Variants in ADAM28 observed in about 807,000 individuals in gnomAD.
The protein encoded by ADAM28 is disintegrin and metalloproteinase domain-containing protein 28.
A neutral mutation model predicts 101.2 loss-of-function variants in ADAM28; 105 were observed. The observed-to-expected ratio is 1.04, with a 90% CI of 0.89 to 1.22. The LOEUF (loss-of-function observed/expected upper bound fraction) is 1.22, where lower values mean the gene tolerates loss of function less well. Ranked by LOEUF, ADAM28 falls within the 50% of genes most tolerant of loss-of-function variation. The pLI, the probability that ADAM28 is intolerant of heterozygous loss-of-function variation, is 0.00. For synonymous variants in ADAM28, 322 were observed against 310.6 expected, an observed-to-expected ratio of 1.04 and a Z score of -0.39; for missense variants, 1,028 against 945.4, an observed-to-expected ratio of 1.09 and a Z score of -1.15.
At chr8:24,320,893 G>C (rs1371740457) in intron 7 of ADAM28, among the ~76,000 whole-genome samples, 5 of 151,882 alleles carry the variant, frequency 3.3e-5, no homozygotes, top group African/African-American at 1.2e-4. Context: ...TCATGTATGT[G>C]TCTCTTAAAT....
At chr8:24,352,335 G>C (rs1276185533) in intron 21 of ADAM28, among the ~76,000 whole-genome samples, 1 of 152,174 alleles carries the variant, frequency 6.6e-6, no homozygotes, top group African/African-American at 2.4e-5. Context: ...AACATAGATT[G>C]AGTGGCTTAA....
chr8:24,332,544 C>G (rs192790521), intron 12 of ADAM28, 116 bp from the exon 13 acceptor site: 14 of 466,388 alleles, frequency 3.0e-5, no homozygotes, highest in Non-Finnish European at 2.6e-5. Flanking sequence ...TTGAAAAAGT[C>G]CTATTTAGAC....
chr8:24,306,056 C>A (rs1392245574), intron 2 of ADAM28, among the ~76,000 whole-genome samples: 3 of 152,130 alleles, frequency 2.0e-5, no homozygotes, highest in African/African-American at 7.2e-5. Flanking sequence ...TTCAGACAAA[C>A]AGTAAAACTT....
At chr8:24,352,532 G>C (rs1367041575) in intron 21 of ADAM28, among the ~76,000 whole-genome samples, 3 of 152,114 alleles carry the variant, frequency 2.0e-5, no homozygotes, top group African/African-American at 7.2e-5. Context: ...CCTATCATGA[G>C]AGCTGCACCC....
intron 2 of ADAM28, among the ~76,000 whole-genome samples, chr8:24,304,887 A>T (rs1210388464): frequency 2.0e-5 from 3 of 150,226 alleles, no homozygotes; most frequent in African/African-American, 7.4e-5. Flanking sequence ...TTGCACTCCA[A>T]CCTGGGCAAC....
At chr8:24,336,188 T>G (rs781498019) in intron 14 of ADAM28, 1 of 982,118 alleles carries the variant, frequency 1.0e-6, no homozygotes, top group Non-Finnish European at 1.2e-6. Context: ...TTGTCCATAA[T>G]GCCAAAATTT....
intron 4 of ADAM28, among the ~76,000 whole-genome samples, 158 bp from the exon 5 acceptor site, chr8:24,311,203 A>C (rs565499807): frequency 2.0e-5 from 3 of 152,344 alleles, no homozygotes; most frequent in African/African-American, 7.2e-5. Flanking sequence ...AACTTACATG[A>C]AAGATTTTAA....
chr8:24,324,661 C>T lies in ADAM28; in HGVS notation c.890+658C>T, dbSNP rs191837715. 5.2e-3 allele frequency among the ~76,000 whole-genome samples: 789 copies of T among 152,068 alleles called. 3 individuals carry two copies. The highest frequency in any genetic ancestry group is 8.6e-3 in the Non-Finnish European group (584 of 67,930). ...TTCTGTGCTGGTCATCTGTTAACTGCATAACAAATGAGCTTGAATTTCTGG... is the reference window on the plus strand; with the variant it reads ...TTCTGTGCTGGTCATCTGTTAACTGTATAACAAATGAGCTTGAATTTCTGG... On this transcript the variant is annotated intron_variant, in intron 9 of 22. Transcript: ENST00000265769.
At chr8:24,320,369 A>G (rs1334627171) in intron 7 of ADAM28, 62 bp downstream of exon 7, 1 of 1,071,896 alleles carries the variant, frequency 9.3e-7, no homozygotes, top group Non-Finnish European at 1.4e-6. Flanking sequence ...TTTATTTATT[A>G]TGTGAGACAT....
intron 18 of ADAM28, among the ~76,000 whole-genome samples, chr8:24,347,688 G>C (rs1815568492): frequency 6.6e-6 from 1 of 152,002 alleles, no homozygotes; most frequent in Non-Finnish European, 1.5e-5. Flanking sequence ...TACTTTGAGA[G>C]CGTATTATTA....
At position 24,341,734 on chromosome 8, in the gene ADAM28, G is replaced by T; in HGVS notation, c.1807G>T (p.Gly603Ter). ...TCAAGAAATAGGCATGGTGGCCAAT[G>T]GAACTAAGTGTGGCGATAACAAGGT... ...TSQEIGMVANGTKCGDNKVCI... is the reference protein window; with the variant it reads ...TSQEIGMVAN Residue 603 changes from glycine to a stop codon, truncating the protein, a stop_gained, in exon 16 of 23, where the codon GGA (glycine) becomes TGA (stop). Transcript: ENST00000265769. LOFTEE classifies it high-confidence loss of function. 6.2e-7 allele frequency: 1 copy of T among 1,613,688 alleles called. No homozygotes were observed. Among genetic ancestry groups the T allele is most frequent in the Middle Eastern group, 1.7e-4 (1 of 6,056 alleles).
chr8:24,312,648 C>T (rs185686368), intron 5 of ADAM28, among the ~76,000 whole-genome samples: 1 of 151,552 alleles, frequency 6.6e-6, no homozygotes, highest in Admixed American at 6.6e-5. Context: ...TAAGTACTTA[C>T]TATATAATTA....
chr8:24,296,460 A>G (rs568848819), intron 1 of ADAM28, among the ~76,000 whole-genome samples: 1 of 152,318 alleles, frequency 6.6e-6, no homozygotes, highest in East Asian at 1.9e-4. Context: ...TCAGTTTGGA[A>G]AGAAGACATT....
At chr8:24,302,275 C>T (rs1450651340) in intron 2 of ADAM28, among the ~76,000 whole-genome samples, 1 of 152,156 alleles carries the variant, frequency 6.6e-6, no homozygotes, top group Non-Finnish European at 1.5e-5. Context: ...TGATCCTGTT[C>T]CTTTTTATGG....
chr8:24,333,101 A>G (rs1232471161), intron 13 of ADAM28, among the ~76,000 whole-genome samples: 1 of 152,240 alleles, frequency 6.6e-6, no homozygotes, highest in Non-Finnish European at 1.5e-5. Flanking sequence ...TCTCACTTGT[A>G]TGTGGAATCC....
intron 4 of ADAM28, among the ~76,000 whole-genome samples, chr8:24,310,811 G>A (rs543299632): frequency 1.3e-4 from 20 of 152,196 alleles, no homozygotes; most frequent in African/African-American, 4.1e-4. Context: ...CACCTCATCT[G>A]TCCCGAACTA....
chr8:24,347,977 T>G (rs1251436025), intron 18 of ADAM28, among the ~76,000 whole-genome samples: 1 of 152,088 alleles, frequency 6.6e-6, no homozygotes, highest in Non-Finnish European at 1.5e-5. Context: ...CATCTTTGGT[T>G]TTTGTTTGTT....
At chr8:24,296,434 G>A (rs372222592) in intron 1 of ADAM28, among the ~76,000 whole-genome samples, 2 of 152,116 alleles carry the variant, frequency 1.3e-5, no homozygotes, top group Non-Finnish European at 1.5e-5. Context: ...CTAATTCAGC[G>A]TTTAATATGA....
At chr8:24,351,353 T>G in intron 20 of ADAM28, 43 bp downstream of exon 20, 2 of 1,574,376 alleles carry the variant, frequency 1.3e-6, no homozygotes, top group East Asian at 2.2e-5. Flanking sequence ...GGCCCCACTT[T>G]GCGTTTCTCT....
Sources: allele counts gnomAD v4.1 joint callset (sites outside exome capture counted in the v4.1 genomes callset), GRCh38; gene constraint gnomAD v4.1.1; transcripts MANE v1.5; gene names NCBI Gene and HGNC (gene_info 2026-07-23, HGNC 2026-07-21).